The following C20orf96 variants were observed in gnomAD, a reference collection of about 807,000 sequenced individuals.
The protein encoded by C20orf96 is chromosome 20 open reading frame 96.
A neutral mutation model predicts 52.6 loss-of-function variants in C20orf96; 57 were observed. That is an observed-to-expected ratio of 1.08 (90% CI 0.88 to 1.35). The LOEUF (loss-of-function observed/expected upper bound fraction) is 1.35. C20orf96 is among the 40% of genes most tolerant of loss of function. The pLI, the probability that C20orf96 is intolerant of heterozygous loss-of-function variation, is 0.00. For missense variants in C20orf96, 478 were observed against 443.6 expected, an observed-to-expected ratio of 1.08 and a Z score of -0.70; for synonymous variants, 168 against 157.2, an observed-to-expected ratio of 1.07 and a Z score of -0.51.
intron 4 of C20orf96, among the ~76,000 whole-genome samples, chr20:282,912 C>A (rs921400198): frequency 6.6e-6 from 1 of 152,022 alleles, no homozygotes; most frequent in African/African-American, 2.4e-5. Context: ...ATATGAGTTC[C>A]TCCTTTAAGA....
chr20:277,091 C>T lies in C20orf96; in HGVS notation c.778G>A (p.Asp260Asn), dbSNP rs1317297398. The stretch of plus-strand genomic sequence containing the variant: ...TTTTTCTTCTTCTTCTGAATCTTGT[C>T]AGACAAGGATTCCAGGACCTTTCTG... Reference protein sequence around the residue: ...MRRKVLESLSDKIQKKKKKIL... With the variant: ...MRRKVLESLSNKIQKKKKKIL... The change falls in exon 8 of 11, where the codon GAC becomes AAC. Residue 260 changes from aspartate to asparagine, a missense_variant. Asp to Asn is a conservative substitution (Grantham distance 23). Coordinates refer to ENST00000360321, the MANE Select transcript of C20orf96 (RefSeq NM_153269.3). 1.2e-6 allele frequency: 2 copies of T among 1,613,924 alleles called. No homozygotes were observed. Among genetic ancestry groups the T allele is most frequent in the South Asian group, 1.1e-5 (1 of 91,058 alleles).
chr20:289,735 T>C, intron 2 of C20orf96, 59 bp from the exon 3 acceptor site: 1 of 1,375,380 alleles, frequency 7.3e-7, no homozygotes, highest in Non-Finnish European at 1.0e-6. Flanking sequence ...CTCTACCCTT[T>C]TCAGATATCT....
At chr20:278,543 C>G (rs1388939500) in intron 5 of C20orf96, 114 bp from the exon 6 acceptor site, 2 of 772,156 alleles carry the variant, frequency 2.6e-6, no homozygotes, top group African/African-American at 3.4e-5. Context: ...GAAACCTGAC[C>G]AGAGGCTAAT....
At position 275,053 on chromosome 20, in the gene C20orf96, G is replaced by A. The variant is rs538524726; in HGVS notation, c.1031+915C>T. Among the ~76,000 whole-genome samples, 47 of 152,250 alleles carry A rather than the reference G, an allele frequency of 3.1e-4. No homozygotes were observed. In the South Asian group the frequency reaches 7.3e-3, roughly 24 times the overall value. ...AGGCTGGTCTTGAACTCCTGACCTC[G>A]TGATCCACCGGCCTTGGCCTCCCAA... is the stretch of plus-strand genomic sequence containing the variant. On this transcript the variant is annotated intron_variant, in intron 10 of 10. Transcript: ENST00000360321.
At chr20:271,330 C>G in intron 10 of C20orf96, 63 bp from the exon 11 acceptor site, 1 of 1,325,042 alleles carries the variant, frequency 7.5e-7, no homozygotes, top group Non-Finnish European at 1.0e-6. Context: ...AGCACCCACT[C>G]AGAGGAGCCC....
At chr20:276,910 G>A (rs754524136) in intron 8 of C20orf96, 31 bp from the exon 9 acceptor site, 24 of 1,613,326 alleles carry the variant, frequency 1.5e-5, no homozygotes, top group Non-Finnish European at 1.9e-5. Context: ...TGGCCCCCAG[G>A]TGCCTCTTCC....
intron 10 of C20orf96, among the ~76,000 whole-genome samples, chr20:271,514 T>C (rs1318190501): frequency 6.6e-6 from 1 of 151,356 alleles, no homozygotes; most frequent in Non-Finnish European, 1.5e-5. Flanking sequence ...AGAAATGAGT[T>C]TGGCAGGACA....
At chr20:272,116 A>AAC (rs1555769681) in intron 10 of C20orf96, among the ~76,000 whole-genome samples, 11 of 151,818 alleles carry the variant, frequency 7.2e-5, no homozygotes, top group South Asian at 2.1e-4. Context: ...GAAAAAAAAA[A>AAC]AATTTCTAAA....
Position 271,043 on chromosome 20 carries a change from AAGGGAGGG to A in C20orf96, c.*156_*163del, listed in dbSNP as rs368225357. ...GGAGGAGGGAAGGGAAGGGGGGAAG[AAGGGAGGG>A]AGGGAGGGAGGGAAAGAAAGAGGGA... On this transcript the variant is annotated 3_prime_UTR_variant, in exon 11 of 11. Coordinates refer to ENST00000360321, the MANE Select transcript of C20orf96 (RefSeq NM_153269.3). The A allele has an allele frequency of 1.2e-5, 6 of 511,622 alleles. No individual in the cohort carries two copies. Among genetic ancestry groups the A allele is most frequent in the Non-Finnish European group, 2.0e-5 (6 of 293,960 alleles). 31.7% of individuals were successfully genotyped at this position (511,622 alleles called of 1,614,324 possible).
chr20:273,738 A>G (rs1458102627), intron 10 of C20orf96, among the ~76,000 whole-genome samples: 2 of 152,048 alleles, frequency 1.3e-5, no homozygotes, highest in Non-Finnish European at 2.9e-5. Context: ...TTAGCCAGGC[A>G]TGGTGGTGCA....
Position 277,066 on chromosome 20 carries a change from T to C in C20orf96, c.803A>G (p.Lys268Arg), listed in dbSNP as rs747835513. The C allele has an allele frequency of 8.1e-6, 13 of 1,613,774 alleles. No homozygotes were observed. Among genetic ancestry groups the C allele is most frequent in the Non-Finnish European group, 1.1e-5 (13 of 1,179,800 alleles). ...LSDKIQKKKKKILSSVVAETQ... is the reference protein window; with the variant it reads ...LSDKIQKKKKRILSSVVAETQ... ...CACCGCCACCACAGAACTCAGAATT[T>C]TTTTCTTCTTCTTCTGAATCTTGTC... Residue 268 changes from lysine (K) to arginine (R), a missense_variant, in exon 8 of 11, where the codon AAA becomes AGA. By Grantham distance (26) the Lys-to-Arg change is conservative. Coordinates refer to ENST00000360321, the MANE Select transcript of C20orf96 (RefSeq NM_153269.3).
chr20:290,490 G>GA (rs201204813), intron 1 of C20orf96, 101 bp downstream of exon 1: 22,446 of 1,490,620 alleles, frequency 0.015, 215 homozygotes, highest in Middle Eastern at 0.037. Flanking sequence ...TCAGAAGACC[G>GA]AGGGCGACCT....
intron 4 of C20orf96, 145 bp from the exon 5 acceptor site, chr20:279,475 G>C: frequency 2.2e-6 from 2 of 890,902 alleles, no homozygotes; most frequent in Non-Finnish European, 1.6e-6. Context: ...AAGCTGGGCG[G>C]TTCCCCATTG....
chr20:290,255 T>A lies in C20orf96; in HGVS notation c.69+4A>T. ...CACCCCAGCCCTAGTCCCCCAAGAC[T>A]CACCGGAACCTGGAACTCCTGGACT... is the stretch of plus-strand genomic sequence containing the variant. On this transcript the variant is annotated splice_donor_region_variant and intron_variant, in intron 2 of 10. Transcript: ENST00000360321. 6.2e-7 allele frequency: 1 copy of A among 1,611,216 alleles called. No homozygotes were observed. Among genetic ancestry groups the A allele is most frequent in the Non-Finnish European group, 8.5e-7 (1 of 1,178,442 alleles).
In C20orf96 at chr20:279,280, C is replaced by CTCA. The variant is rs1035867061; in HGVS notation, c.354_356dup (p.Arg118_Glu119insAsp). ...CCCGGTTGAGCTTGCTGAGGAAGTT[C>CTCA]TCACGGCTTCGGAGCTCTCGCAGAG... is the stretch of plus-strand genomic sequence containing the variant. On this transcript the variant is annotated inframe_insertion, in exon 5 of 11. Transcript: ENST00000360321. 6.2e-7 allele frequency: 1 copy of CTCA among 1,610,132 alleles called. No individual in the cohort carries two copies. Among genetic ancestry groups the CTCA allele is most frequent in the Non-Finnish European group, 8.5e-7 (1 of 1,179,198 alleles).
intron 1 of C20orf96, 127 bp from the exon 2 acceptor site, chr20:290,434 G>A (rs2012510974): frequency 1.3e-6 from 2 of 1,541,018 alleles, no homozygotes; most frequent in East Asian, 4.8e-5. Flanking sequence ...TAGCCCCGCG[G>A]GAGTGGGGCG....
chr20:271,057 G>C lies in C20orf96; in HGVS notation c.*150C>G. The C allele has an allele frequency of 1.6e-6, 1 of 609,912 alleles. No homozygotes were observed. The highest frequency in any genetic ancestry group is 2.9e-6 in the Non-Finnish European group (1 of 343,002). 37.8% of individuals were successfully genotyped at this position (609,912 alleles called of 1,614,324 possible). On this transcript the variant is annotated 3_prime_UTR_variant, in exon 11 of 11. Coordinates refer to ENST00000360321, the MANE Select transcript of C20orf96 (RefSeq NM_153269.3). ...AAGGGGGGAAGAAGGGAGGGAGGGA[G>C]GGAGGGAAAGAAAGAGGGAGGAAGG... is the stretch of plus-strand genomic sequence containing the variant.
chr20:285,311 G>T (rs1427677476), intron 3 of C20orf96, among the ~76,000 whole-genome samples: 1 of 152,196 alleles, frequency 6.6e-6, no homozygotes, highest in Non-Finnish European at 1.5e-5. Context: ...GGTGGATCCA[G>T]CTGTACTCTC....
At chr20:282,111 T>C (rs926539135) in intron 4 of C20orf96, among the ~76,000 whole-genome samples, 11 of 152,160 alleles carry the variant, frequency 7.2e-5, no homozygotes, top group African/African-American at 2.7e-4. Context: ...CAGAAGTATC[T>C]TGTGAAAAAT....
Sources: gnomAD v4.1 joint callset for allele counts (sites outside exome capture counted in the v4.1 genomes callset) on GRCh38, gnomAD v4.1.1 for gene constraint, MANE v1.5 for transcripts, NCBI Gene and HGNC (gene_info 2026-07-23, HGNC 2026-07-21) for gene names.